LIMK2: variants seen among roughly 807,000 people sequenced by gnomAD.
LIMK2 encodes the protein LIM domain kinase 2.
A neutral mutation model predicts 75.7 loss-of-function variants in LIMK2; 35 were observed. The ratio of observed to expected loss-of-function variants is 0.46; its 90% CI spans 0.35 to 0.61. The LOEUF (loss-of-function observed/expected upper bound fraction) is 0.61. Among genes scored for constraint, LIMK2 ranks in the 20% least tolerant of loss-of-function variants. The pLI is 0.00. For synonymous variants in LIMK2, 301 were observed against 319.2 expected (o/e 0.94, Z 0.61); for missense variants, 623 against 831.0 (o/e 0.75, Z 3.08).
intron 15 of LIMK2, chr22:31,275,599 T>G: frequency 2.9e-6 from 1 of 349,516 alleles, no homozygotes; most frequent in Non-Finnish European, 5.2e-6. Flanking sequence ...GTATTCATCT[T>G]TCGATATTCC....
intron 15 of LIMK2, chr22:31,277,602 ATATCTT>A (rs1373832620): frequency 2.2e-6 from 2 of 925,050 alleles, no homozygotes; most frequent in Non-Finnish European, 1.3e-6. Flanking sequence ...GTCATTCTAA[ATATCTT>A]TAATTTATTA....
intron 1 of LIMK2, among the ~76,000 whole-genome samples, chr22:31,216,874 CTG>C (rs372590973): frequency 2.0e-5 from 3 of 152,310 alleles, no homozygotes; most frequent in East Asian, 1.9e-4. Flanking sequence ...GGACCTGAAA[CTG>C]TAGCAGTCTC....
intron 2 of LIMK2, among the ~76,000 whole-genome samples, chr22:31,245,720 T>G (rs1246635222): frequency 6.6e-6 from 1 of 152,150 alleles, no homozygotes; most frequent in Non-Finnish European, 1.5e-5. Flanking sequence ...ATTATAGGCA[T>G]GAGCCACTAT....
intron 2 of LIMK2, among the ~76,000 whole-genome samples, chr22:31,249,947 A>G (rs1169384171): frequency 6.6e-6 from 1 of 152,132 alleles, no homozygotes; most frequent in African/African-American, 2.4e-5. Flanking sequence ...CATTTTACAG[A>G]TGAGGCAACC....
At chr22:31,226,823 T>G (rs940304234) in intron 2 of LIMK2, among the ~76,000 whole-genome samples, 1 of 152,220 alleles carries the variant, frequency 6.6e-6, no homozygotes, top group Non-Finnish European at 1.5e-5. Flanking sequence ...TTGGCCAGGC[T>G]GGTCTCAAAC....
chr22:31,213,098 A>G (rs998432380), intron 1 of LIMK2, among the ~76,000 whole-genome samples: 1 of 152,096 alleles, frequency 6.6e-6, no homozygotes, highest in South Asian at 2.1e-4. Context: ...AGGTGGCGAA[A>G]GTAGGCCACC....
chr22:31,221,150 A>T (rs755066918), intron 1 of LIMK2, among the ~76,000 whole-genome samples: 12 of 152,200 alleles, frequency 7.9e-5, no homozygotes, highest in Non-Finnish European at 1.5e-4. Context: ...CTTTGGGACC[A>T]CATTGTAAGG....
chr22:31,256,325 C>T (rs2048781430), intron 2 of LIMK2, among the ~76,000 whole-genome samples: 1 of 148,656 alleles, frequency 6.7e-6, no homozygotes, highest in African/African-American at 2.5e-5. Context: ...TAAGCTATCT[C>T]TAGCTAGCTA....
intron 2 of LIMK2, among the ~76,000 whole-genome samples, chr22:31,234,111 T>G (rs1473041816): frequency 6.6e-6 from 1 of 151,810 alleles, no homozygotes; most frequent in African/African-American, 2.4e-5. Flanking sequence ...CTCCCGGGTT[T>G]AAGCAATTCT....
chr22:31,242,922 T>TTTTA (rs963349561), intron 2 of LIMK2, among the ~76,000 whole-genome samples: 1 of 152,122 alleles, frequency 6.6e-6, no homozygotes, highest in Non-Finnish European at 1.5e-5. Context: ...TGCTGGGACA[T>TTTTA]TTTATTTATT....
In LIMK2 at chr22:31,261,910, G is replaced by A. The variant is rs182157485; in HGVS notation, c.552-224G>A. Among the ~76,000 whole-genome samples, 3 of 152,352 alleles carry A rather than the reference G, an allele frequency of 2.0e-5. No individual in the cohort carries two copies. The East Asian group carries it at 5.8e-4, about 29-fold the overall frequency. Reference sequence around the variant, plus strand: ...GGAGAGATGAGGGAACTCCAGATTGGGAAGATGATGTTCAAGTTTCTGGCT... The same window carrying A: ...GGAGAGATGAGGGAACTCCAGATTGAGAAGATGATGTTCAAGTTTCTGGCT... On this transcript the variant is annotated intron_variant, in intron 5 of 15. Coordinates refer to ENST00000331728, the MANE Select transcript of LIMK2 (RefSeq NM_005569.4).
rs2048845306 is a variant in LIMK2, at chr22:31,262,023, CTTAGGGGCCACTGGTGGCCTGGGACCT to C, written c.552-110_552-84del. On this transcript the variant is annotated intron_variant, in intron 5 of 15. Coordinates refer to ENST00000331728, the MANE Select transcript of LIMK2 (RefSeq NM_005569.4). The surrounding 1 kb of genome is among the most constrained non-coding windows in gnomAD (Gnocchi z 5.0). The stretch of plus-strand genomic sequence containing the variant: ...CTTTCTGTGTGGGTATCCTGGGCCC[CTTAGGGGCCACTGGTGGCCTGGGACCT>C]GGTAAACCTTCCCTGCACAAGCAGA... 1.2e-6 allele frequency: 1 copy of C among 831,974 alleles called. No homozygotes were observed. Among genetic ancestry groups the C allele is most frequent in the South Asian group, 1.4e-5 (1 of 69,344 alleles). 51.5% of individuals were successfully genotyped at this position (831,974 alleles called of 1,614,324 possible).
chr22:31,225,903 G>A, intron 2 of LIMK2, 84 bp downstream of exon 2: 1 of 1,022,418 alleles, frequency 9.8e-7, no homozygotes. Flanking sequence ...ACAGAAACAA[G>A]CTTCTGAGTT....
intron 2 of LIMK2, among the ~76,000 whole-genome samples, chr22:31,250,753 A>C (rs1347396037): frequency 6.6e-6 from 1 of 151,962 alleles, no homozygotes; most frequent in African/African-American, 2.4e-5. Flanking sequence ...TCCCTCTTTT[A>C]TTATAGGATA....
At chr22:31,258,583 C>T (rs1267931582) in intron 3 of LIMK2, 157 bp downstream of exon 3, 2 of 713,318 alleles carry the variant, frequency 2.8e-6, no homozygotes, top group African/African-American at 1.8e-5. Flanking sequence ...CAATTGAGCA[C>T]CTACTAAGTG....
chr22:31,212,517 G>T, intron 1 of LIMK2, 93 bp downstream of exon 1: 1 of 1,235,922 alleles, frequency 8.1e-7, no homozygotes. Context: ...CGGGGGTTTC[G>T]GGCTGGTTGG....
intron 2 of LIMK2, among the ~76,000 whole-genome samples, chr22:31,229,743 A>T (rs946974432): frequency 1.4e-4 from 22 of 151,980 alleles, no homozygotes; most frequent in Non-Finnish European, 7.4e-5. Context: ...TCCTCCCCTC[A>T]TCTCTCCCTT....
intron 2 of LIMK2, among the ~76,000 whole-genome samples, chr22:31,240,834 A>G (rs2048618426): frequency 6.6e-6 from 1 of 152,172 alleles, no homozygotes. Flanking sequence ...GGAAGGTGAA[A>G]GTCTCTACTT....
chr22:31,272,504 T>C, intron 12 of LIMK2, 26 bp from the exon 13 acceptor site: 1 of 1,591,642 alleles, frequency 6.3e-7, no homozygotes, highest in African/African-American at 1.4e-5. Flanking sequence ...CCCCATGAAG[T>C]CCTGACCTGT....
Sources: allele counts gnomAD v4.1 joint callset (sites outside exome capture counted in the v4.1 genomes callset), GRCh38; gene constraint gnomAD v4.1.1; non-coding constraint Gnocchi (gnomAD v3.1); transcripts MANE v1.5; gene names NCBI Gene and HGNC (gene_info 2026-07-23, HGNC 2026-07-21).